Variants in GALNT13 observed in about 807,000 individuals in gnomAD.
GALNT13 encodes polypeptide N-acetylgalactosaminyltransferase 13, also known as UDP-GalNAc:polypeptide N-acetylgalactosaminyltransferase 13.
Under a neutral mutation model 64.2 loss-of-function variants are expected in GALNT13, and 28 were observed. The observed-to-expected ratio is 0.44, with a 90% CI of 0.32 to 0.60. The LOEUF is 0.60. GALNT13 is among the 20% of genes least tolerant of loss of function. The pLI, the probability that GALNT13 is intolerant of heterozygous loss-of-function variation, is 0.05. For synonymous variants in GALNT13, 214 were observed against 224.6 expected (o/e 0.95, Z 0.42); for missense variants, 577 against 669.8 (o/e 0.86, Z 1.53).
chr2:154,216,180 A>G (rs1412931089), intron 4 of GALNT13, among the ~76,000 whole-genome samples: 3 of 152,048 alleles, frequency 2.0e-5, no homozygotes, highest in African/African-American at 2.4e-5. Context: ...TAAAATATTA[A>G]TGCTTTATTT....
the GALNT13 span, among the ~76,000 whole-genome samples, chr2:153,181,807 C>T: frequency 7.0e-6 from 1 of 143,600 alleles, no homozygotes; most frequent in Admixed American, 7.0e-5. Flanking sequence ...AATATACTTA[C>T]ATAATTATAT....
At chr2:153,457,387 A>T in the GALNT13 span, among the ~76,000 whole-genome samples, 1 of 152,244 alleles carries the variant, frequency 6.6e-6, no homozygotes. Flanking sequence ...CTAGAGATAT[A>T]TCATCCGTTC....
chr2:153,255,416 T>G, the GALNT13 span, among the ~76,000 whole-genome samples: 1 of 140,888 alleles, frequency 7.1e-6, no homozygotes, highest in East Asian at 1.9e-4. Flanking sequence ...ATCTTGACTC[T>G]TTATCCAATT....
At chr2:154,063,774 T>C (rs1475850360) in intron 3 of GALNT13, among the ~76,000 whole-genome samples, 1 of 152,152 alleles carries the variant, frequency 6.6e-6, no homozygotes, top group East Asian at 1.9e-4. Flanking sequence ...CAAGAGGTTT[T>C]TTGCAGTAAA....
chr2:153,215,173 A>C, the GALNT13 span, among the ~76,000 whole-genome samples: 1 of 152,096 alleles, frequency 6.6e-6, no homozygotes, highest in Admixed American at 6.6e-5. Flanking sequence ...CATTTTCAGA[A>C]ATACATAGTA....
the GALNT13 span, among the ~76,000 whole-genome samples, chr2:153,099,122 C>T: frequency 6.6e-6 from 1 of 152,088 alleles, no homozygotes; most frequent in African/African-American, 2.4e-5. Flanking sequence ...CAAAACAAAA[C>T]AAACAAACAA....
At chr2:153,834,169 G>T in the GALNT13 span, among the ~76,000 whole-genome samples, 2 of 152,020 alleles carry the variant, frequency 1.3e-5, no homozygotes, top group Non-Finnish European at 2.9e-5. Context: ...CTGTTGTAAA[G>T]CTCTCTCACT....
At chr2:153,821,641 G>T in the GALNT13 span, among the ~76,000 whole-genome samples, 2 of 152,038 alleles carry the variant, frequency 1.3e-5, no homozygotes, top group Non-Finnish European at 2.9e-5. Flanking sequence ...AGGTTAAAAA[G>T]ATGTCTACAA....
chr2:153,557,716 T>G, the GALNT13 span, among the ~76,000 whole-genome samples: 2 of 152,342 alleles, frequency 1.3e-5, no homozygotes, highest in East Asian at 3.9e-4. Flanking sequence ...TGGTTTCAAT[T>G]GCTCTTATAA....
chr2:153,302,251 G>A, the GALNT13 span, among the ~76,000 whole-genome samples: 1 of 152,054 alleles, frequency 6.6e-6, no homozygotes, highest in African/African-American at 2.4e-5. Context: ...TCTAACAGGT[G>A]TGAGGTTTTA....
At chr2:154,209,851 G>A (rs1489704476) in intron 4 of GALNT13, among the ~76,000 whole-genome samples, 5 of 152,112 alleles carry the variant, frequency 3.3e-5, no homozygotes, top group African/African-American at 1.2e-4. Flanking sequence ...TACTTGTCAT[G>A]TTTTGTGATA....
At chr2:153,682,196 C>A in the GALNT13 span, among the ~76,000 whole-genome samples, 1 of 151,734 alleles carries the variant, frequency 6.6e-6, no homozygotes, top group Non-Finnish European at 1.5e-5. Context: ...ATACTTTGCT[C>A]TTCTGTCATA....
At chr2:153,446,938 C>G in the GALNT13 span, 1 of 152,068 alleles carries the variant, frequency 6.6e-6, no homozygotes, top group Non-Finnish European at 1.5e-5. Context: ...TAGAAAATAT[C>G]AGAGTTTATT....
At chr2:154,454,969 T>C (rs777009161), downstream of GALNT13, among the ~76,000 whole-genome samples, 2 of 152,162 alleles carry the variant, frequency 1.3e-5, no homozygotes, top group Non-Finnish European at 2.9e-5. Flanking sequence ...TTAGGTTCTA[T>C]GTTATGGAGC....
At chr2:153,909,281 T>C (rs936487599) in intron 2 of GALNT13, among the ~76,000 whole-genome samples, 1 of 152,134 alleles carries the variant, frequency 6.6e-6, no homozygotes, top group East Asian at 1.9e-4. Context: ...TTTTTGTACA[T>C]TGACTTTTTA....
At chr2:153,685,443 G>T in the GALNT13 span, among the ~76,000 whole-genome samples, 5 of 151,898 alleles carry the variant, frequency 3.3e-5, no homozygotes, top group African/African-American at 7.2e-5. Flanking sequence ...CCATATGATT[G>T]TTGGCCACAT....
At chr2:153,323,498 A>T in the GALNT13 span, among the ~76,000 whole-genome samples, 1 of 152,184 alleles carries the variant, frequency 6.6e-6, no homozygotes, top group East Asian at 1.9e-4. Context: ...GTTTAATTAG[A>T]TCCCATTTGT....
chr2:153,551,946 G>T, the GALNT13 span, among the ~76,000 whole-genome samples: 19 of 152,288 alleles, frequency 1.2e-4, 1 homozygote, highest in African/African-American at 4.6e-4. Context: ...TGCACCATAA[G>T]GATTGTGGCG....
the GALNT13 span, among the ~76,000 whole-genome samples, chr2:153,361,063 T>A: frequency 2.0e-5 from 3 of 151,994 alleles, no homozygotes; most frequent in Non-Finnish European, 4.4e-5. Flanking sequence ...GAGTGACATA[T>A]CCAGGCACAG....
Sources: gnomAD v4.1 joint callset for allele counts (sites outside exome capture counted in the v4.1 genomes callset) on GRCh38, gnomAD v4.1.1 for gene constraint, MANE v1.5 for transcripts, NCBI Gene and HGNC (gene_info 2026-07-23, HGNC 2026-07-21) for gene names.